The following XKR9 variants were observed in gnomAD, a reference collection of about 807,000 sequenced individuals.
XKR9 encodes XK related 9.
A neutral mutation model predicts 32.0 loss-of-function variants in XKR9; 32 were observed. That is an observed-to-expected ratio of 1.00 (90% CI 0.76 to 1.34). XKR9 has a LOEUF of 1.34. XKR9 is among the 40% of genes most tolerant of loss of function. XKR9 has a pLI of 0.00. For missense variants in XKR9, 546 were observed against 429.7 expected (o/e 1.27, Z -2.39); for synonymous variants, 168 against 143.4 (o/e 1.17, Z -1.22).
At chr8:71,007,264 T>G in the XKR9 span, among the ~76,000 whole-genome samples, 1 of 152,196 alleles carries the variant, frequency 6.6e-6, no homozygotes, top group Non-Finnish European at 1.5e-5. Context: ...TTATAGTTTT[T>G]CTTTCTTGCT....
chr8:70,693,747 T>G (rs550842465), intron 3 of XKR9, among the ~76,000 whole-genome samples: 1 of 152,160 alleles, frequency 6.6e-6, no homozygotes, highest in Non-Finnish European at 1.5e-5. Context: ...TGACAAGCTA[T>G]GTAGGGTATG....
At chr8:71,002,886 T>A in the XKR9 span, among the ~76,000 whole-genome samples, 4 of 152,244 alleles carry the variant, frequency 2.6e-5, no homozygotes, top group Non-Finnish European at 5.9e-5. Context: ...AGATTCGTTC[T>A]CTAATTAGGA....
the XKR9 span, among the ~76,000 whole-genome samples, chr8:70,800,851 G>A: frequency 3.7e-4 from 56 of 151,946 alleles, no homozygotes; most frequent in Non-Finnish European, 2.8e-4. Context: ...GATTATCAGT[G>A]TGTTCAGGGA....
the XKR9 span, among the ~76,000 whole-genome samples, chr8:70,819,822 C>T: frequency 2.0e-5 from 3 of 152,126 alleles, no homozygotes; most frequent in African/African-American, 7.2e-5. Flanking sequence ...TGTTTGCAGA[C>T]AGAACAGGTG....
the XKR9 span, among the ~76,000 whole-genome samples, chr8:71,044,118 C>T: frequency 8.2e-3 from 1,252 of 152,322 alleles, 14 homozygotes; most frequent in African/African-American, 0.029. Flanking sequence ...TATAGCTGAA[C>T]ATATGCTTAT....
At chr8:70,923,453 C>G in the XKR9 span, among the ~76,000 whole-genome samples, 1 of 152,278 alleles carries the variant, frequency 6.6e-6, no homozygotes, top group African/African-American at 2.4e-5. Flanking sequence ...ACTCTGGATC[C>G]CTGTCTCACT....
chr8:70,759,975 A>T (rs1404339176), intron 2 of XKR9, among the ~76,000 whole-genome samples: 1 of 152,206 alleles, frequency 6.6e-6, no homozygotes. Flanking sequence ...CCTTTGAAGG[A>T]TTTAGTGTTC....
At chr8:70,748,043 GTTA>G (rs1467545869) in intron 2 of XKR9, among the ~76,000 whole-genome samples, 18 of 152,258 alleles carry the variant, frequency 1.2e-4, no homozygotes, top group Non-Finnish European at 1.5e-5. Context: ...TTTTGATGTT[GTTA>G]TTATATCTTT....
chr8:70,748,809 C>T (rs1172839323), intron 2 of XKR9, among the ~76,000 whole-genome samples: 1 of 152,170 alleles, frequency 6.6e-6, no homozygotes, highest in Non-Finnish European at 1.5e-5. Context: ...CATGGCTGCC[C>T]ATGGACCAAT....
At chr8:70,695,431 G>GT (rs1805233375) in intron 3 of XKR9, among the ~76,000 whole-genome samples, 2 of 147,184 alleles carry the variant, frequency 1.4e-5, no homozygotes, top group Non-Finnish European at 3.0e-5. Flanking sequence ...TGCAGTGTTT[G>GT]GTTTTTTGTC....
At chr8:70,880,856 A>G in the XKR9 span, among the ~76,000 whole-genome samples, 2 of 152,178 alleles carry the variant, frequency 1.3e-5, no homozygotes, top group African/African-American at 2.4e-5. Context: ...GCATCACGCT[A>G]CCTGACTTCA....
downstream of XKR9, among the ~76,000 whole-genome samples, chr8:70,740,916 G>C (rs1370916192): frequency 2.0e-5 from 3 of 152,244 alleles, no homozygotes; most frequent in Non-Finnish European, 2.9e-5. Flanking sequence ...GGGGTCAGGG[G>C]TCAGGGACCC....
At chr8:70,929,170 C>A in the XKR9 span, among the ~76,000 whole-genome samples, 1 of 152,166 alleles carries the variant, frequency 6.6e-6, no homozygotes, top group African/African-American at 2.4e-5. Flanking sequence ...TCTTCCAGAG[C>A]AGTACAATAG....
intron 2 of XKR9, among the ~76,000 whole-genome samples, chr8:70,776,923 T>TTCTC (rs369388439): frequency 0.019 from 1,149 of 59,596 alleles, 38 homozygotes; most frequent in Non-Finnish European, 0.024. Flanking sequence ...TTCTCTTTCT[T>TTCTC]TCTCTCTCTC....
chr8:70,740,536 G>A (rs929675853), downstream of XKR9, among the ~76,000 whole-genome samples: 5 of 151,990 alleles, frequency 3.3e-5, no homozygotes, highest in African/African-American at 7.2e-5. Context: ...TGGAGGAGAG[G>A]TGCTCTGCTT....
At chr8:70,689,070 A>G (rs1005149818) in intron 3 of XKR9, among the ~76,000 whole-genome samples, 28 of 152,190 alleles carry the variant, frequency 1.8e-4, no homozygotes, top group African/African-American at 6.8e-4. Flanking sequence ...TAACAAAGAA[A>G]AACAACATTA....
intron 3 of XKR9, among the ~76,000 whole-genome samples, chr8:70,685,739 T>A (rs868530371): frequency 0.018 from 960 of 52,650 alleles, 22 homozygotes; most frequent in Admixed American, 0.086. Context: ...TGTTGTGGGG[T>A]GGGGGGAGGG....
the XKR9 span, among the ~76,000 whole-genome samples, chr8:71,064,237 A>G: frequency 6.6e-6 from 1 of 152,146 alleles, no homozygotes; most frequent in Non-Finnish European, 1.5e-5. Flanking sequence ...GATCTATAAC[A>G]TTTCACTCTT....
intron 2 of XKR9, among the ~76,000 whole-genome samples, chr8:70,750,489 C>G (rs1046430563): frequency 6.6e-6 from 1 of 152,084 alleles, no homozygotes; most frequent in African/African-American, 2.4e-5. Context: ...GGTTACCACT[C>G]CAGAGGAGTG....
Sources: gnomAD v4.1 joint callset for allele counts (sites outside exome capture counted in the v4.1 genomes callset) on GRCh38, gnomAD v4.1.1 for gene constraint, MANE v1.5 for transcripts, NCBI Gene and HGNC (gene_info 2026-07-23, HGNC 2026-07-21) for gene names.